Variants in NSD1 observed in about 807,000 individuals in gnomAD.
NSD1 encodes histone-lysine N-methyltransferase, H3 lysine-36 specific.
A neutral mutation model predicts 242.7 loss-of-function variants in NSD1; 26 were observed. The observed-to-expected ratio is 0.11, with a 90% CI of 0.08 to 0.15. The LOEUF (loss-of-function observed/expected upper bound fraction) is 0.15. NSD1 is among the 10% of genes least tolerant of loss of function. The pLI, the probability that NSD1 is intolerant of heterozygous loss-of-function variation, is 1.00. For synonymous variants in NSD1, 1,106 were observed against 1,178.1 expected (o/e 0.94, Z 1.25); for missense variants, 2,495 against 3,272.8 (o/e 0.76, Z 5.80).
At position 177,275,921 on chromosome 5, in the gene NSD1, G is replaced by C. The variant is rs1718095742; in HGVS notation, c.5622+2137G>C. On this transcript the variant is annotated intron_variant, in intron 17 of 22. Transcript: ENST00000439151. ...GTATTTACAAGACAGAATCAGTTTTGTTCTTTGTTTGTTCCTTTGAGACAG... is the reference window on the plus strand; with the variant it reads ...GTATTTACAAGACAGAATCAGTTTTCTTCTTTGTTTGTTCCTTTGAGACAG... 2.0e-5 allele frequency among the ~76,000 whole-genome samples: 3 copies of C among 152,138 alleles called. No individual in the cohort carries two copies. The South Asian group carries it at 6.2e-4, about 32-fold the overall frequency.
At chr5:177,204,403 G>C in intron 4 of NSD1, 111 bp downstream of exon 4, 1 of 986,536 alleles carries the variant, frequency 1.0e-6, no homozygotes, top group Non-Finnish European at 1.5e-6. Flanking sequence ...TCCCAGATTG[G>C]AGTACAGTGG....
intron 2 of NSD1, among the ~76,000 whole-genome samples, chr5:177,172,530 A>T (rs532124792): frequency 5.3e-5 from 8 of 152,236 alleles, no homozygotes; most frequent in South Asian, 2.1e-4. Flanking sequence ...CATAGAAATG[A>T]CTTCTTAGTG....
rs775759198 is a variant in NSD1 at position 177,244,191 on chromosome 5, A to G, written c.4303-4A>G. The G allele has an allele frequency of 2.2e-5, 36 of 1,605,338 alleles. No homozygotes were observed. The highest frequency in any genetic ancestry group is 2.8e-5 in the Non-Finnish European group (33 of 1,172,682). On this transcript the variant is annotated splice_region_variant and splice_polypyrimidine_tract_variant and intron_variant, in intron 8 of 22. Transcript: ENST00000439151. ...TAAATGGTGTTGTTTTCACTTATTT[A>G]TAGTGCTATGAAGCTGGTCACCTGG...
chr5:177,300,057 G>GCCCCCCCCCC lies in NSD1; in HGVS notation c.*4602_*4611dup, dbSNP rs60995782. 9.2e-5 allele frequency: 12 copies of GCCCCCCCCCC among 129,964 alleles called. No individual in the cohort carries two copies. Among genetic ancestry groups the GCCCCCCCCCC allele is most frequent in the African/African-American group, 1.2e-4 (3 of 24,036 alleles). 8.1% of individuals were successfully genotyped at this position (129,964 alleles called of 1,614,324 possible). A position where few individuals can be genotyped will look rare whatever the true frequency, so the allele number is the denominator to read the frequency against. ...AGGTCCATCATTGCTTTTTTGCCGC[G>GCCCCCCCCCC]CCCCCCCCCCCCCGCCCCCATAGAT... is the stretch of plus-strand genomic sequence containing the variant. On this transcript the variant is annotated 3_prime_UTR_variant, in exon 23 of 23. Transcript: ENST00000439151.
chr5:177,133,331 G>C (rs1028195571), upstream of NSD1, among the ~76,000 whole-genome samples: 9 of 152,304 alleles, frequency 5.9e-5, no homozygotes, highest in East Asian at 1.5e-3. This position sits in a 1 kb window ranked among gnomAD's most constrained non-coding sequence, Gnocchi z 6.2. Context: ...GCCAGGTGCC[G>C]CCTGGGTTGG....
chr5:177,154,927 C>A (rs935037945), intron 2 of NSD1, among the ~76,000 whole-genome samples: 1 of 151,848 alleles, frequency 6.6e-6, no homozygotes, highest in Non-Finnish European at 1.5e-5. Context: ...AACTCCTGAC[C>A]TCAGGTTATC....
At chr5:177,191,042 C>T (rs2149820143) in intron 2 of NSD1, among the ~76,000 whole-genome samples, 1 of 147,604 alleles carries the variant, frequency 6.8e-6, no homozygotes, top group Non-Finnish European at 1.5e-5. Flanking sequence ...TCTTGGCTCG[C>T]TGCAACCTCC....
intron 2 of NSD1, among the ~76,000 whole-genome samples, chr5:177,152,217 G>T (rs1391204657): frequency 6.6e-6 from 1 of 151,340 alleles, no homozygotes; most frequent in East Asian, 1.9e-4. Context: ...TGTTCCCTAG[G>T]CTAGTCTTTA....
upstream of NSD1, chr5:177,133,067 G>C (rs966739181): frequency 6.5e-6 from 1 of 153,592 alleles, no homozygotes; most frequent in Non-Finnish European, 1.5e-5. The surrounding 1 kb of genome is among the most constrained non-coding windows in gnomAD (Gnocchi z 6.2). Context: ...TGGTGGTGTG[G>C]GTTTGGGGTG....
rs1191453723 is a variant in NSD1, at chr5:177,269,731, A to G, written c.5433A>G (p.Arg1811=). 1.9e-6 allele frequency: 3 copies of G among 1,613,954 alleles called. No homozygotes were observed. Among genetic ancestry groups the G allele is most frequent in the African/African-American group, 1.3e-5 (1 of 74,884 alleles). Residue 1811 remains arginine (R), a synonymous_variant, in exon 16 of 23, where the codon CGA becomes CGG. Transcript: ENST00000439151. The surrounding 1 kb of genome is among the most constrained non-coding windows in gnomAD (Gnocchi z 5.1). ...ACTATTTGTGGACTCACCAGGCCCG[A>G]GTCTTCCCTTACATGGAGGGTGACG... ...SNDYLWTHQA[R]VFPYMEGDVS...
chr5:177,189,598 G>A (rs1761508028), intron 2 of NSD1, among the ~76,000 whole-genome samples: 1 of 152,116 alleles, frequency 6.6e-6, no homozygotes, highest in Non-Finnish European at 1.5e-5. Flanking sequence ...TTGAATCCTT[G>A]GTTCTGTCAC....
chr5:177,198,602 C>T (rs1380870139), intron 3 of NSD1, among the ~76,000 whole-genome samples: 1 of 152,034 alleles, frequency 6.6e-6, no homozygotes, highest in Non-Finnish European at 1.5e-5. Flanking sequence ...TCTACTTACT[C>T]CAAAGGCCTC....
intron 2 of NSD1, among the ~76,000 whole-genome samples, chr5:177,189,489 A>AT (rs1427325494): frequency 2.6e-5 from 4 of 152,202 alleles, no homozygotes; most frequent in Non-Finnish European, 5.9e-5. Context: ...TTATAGTTAA[A>AT]TTTGTCATAA....
chr5:177,213,685 T>C (rs1763541216), intron 5 of NSD1, among the ~76,000 whole-genome samples: 1 of 152,134 alleles, frequency 6.6e-6, no homozygotes, highest in Admixed American at 6.6e-5. Context: ...TTAGCCAGGA[T>C]GGTCTCTGAT....
At chr5:177,235,994 A>G (rs1186601832) in intron 6 of NSD1, 49 bp downstream of exon 6, 2 of 1,597,344 alleles carry the variant, frequency 1.3e-6, no homozygotes, top group Admixed American at 1.7e-5. Context: ...AGGAAACTGC[A>G]ATTTTATCTT....
intron 8 of NSD1, 78 bp from the exon 9 acceptor site, chr5:177,244,117 A>G: frequency 9.6e-7 from 1 of 1,044,070 alleles, no homozygotes; most frequent in Non-Finnish European, 1.5e-6. Flanking sequence ...GCAGCTGACA[A>G]TTCAGACTTT....
chr5:177,257,580 C>G (rs1756595726), intron 13 of NSD1, among the ~76,000 whole-genome samples: 1 of 152,074 alleles, frequency 6.6e-6, no homozygotes, highest in South Asian at 2.1e-4. Flanking sequence ...ACTTTATGGC[C>G]TCTCTCTAGC....
chr5:177,210,800 G>A lies in NSD1; in HGVS notation c.2401G>A (p.Ala801Thr), dbSNP rs1254880600. The change falls in exon 5 of 23, where the codon GCA becomes ACA. Residue 801 changes from alanine to threonine, a missense_variant. Ala to Thr is a moderately conservative substitution (Grantham distance 58). Coordinates refer to ENST00000439151, the MANE Select transcript of NSD1 (RefSeq NM_022455.5). ...CAAACACAAAGAAAATCCAGTTATG[G>A]CAGAACCCCCAGTTATAAATGAGGA... The part of the protein sequence containing the change: ...KCKHKENPVM[A>T]EPPVINEECS... 2.5e-6 allele frequency: 4 copies of A among 1,614,036 alleles called. No homozygotes were observed. The Admixed American group carries it at 6.7e-5, about 27-fold the overall frequency.
At chr5:177,144,212 A>G (rs990168786) in intron 2 of NSD1, among the ~76,000 whole-genome samples, 4 of 150,530 alleles carry the variant, frequency 2.7e-5, no homozygotes, top group African/African-American at 1.0e-4. Flanking sequence ...CAAGAAAGAT[A>G]TTTTTGAGTT....
Sources: gnomAD v4.1 joint callset for allele counts (sites outside exome capture counted in the v4.1 genomes callset) on GRCh38, gnomAD v4.1.1 for gene constraint, Gnocchi (gnomAD v3.1) non-coding constraint, MANE v1.5 for transcripts, NCBI Gene and HGNC (gene_info 2026-07-23, HGNC 2026-07-21) for gene names.